The following EFHD1 variants were observed in gnomAD, a reference collection of about 807,000 sequenced individuals.
EFHD1 encodes the protein EF-hand domain family member D1.
In EFHD1, 10 loss-of-function variants were observed where a neutral mutation model predicts 17.2. That is an observed-to-expected ratio of 0.58 (90% CI 0.36 to 0.99). EFHD1 has a LOEUF of 0.99. Ranked by LOEUF, EFHD1 falls within the 50% of genes least tolerant of loss-of-function variation. The pLI is 0.01. For missense variants in EFHD1, 310 were observed against 327.5 expected, an observed-to-expected ratio of 0.95 and a Z score of 0.41; for synonymous variants, 153 against 142.0, an observed-to-expected ratio of 1.08 and a Z score of -0.55.
At chr2:232,663,689 C>T (rs1036743507) in intron 2 of EFHD1, among the ~76,000 whole-genome samples, 1 of 152,062 alleles carries the variant, frequency 6.6e-6, no homozygotes, top group Non-Finnish European at 1.5e-5. Flanking sequence ...TCGATATAAG[C>T]GTACAATGTG....
chr2:232,610,052 C>A (rs2106180387), intron 1 of EFHD1, among the ~76,000 whole-genome samples: 1 of 152,362 alleles, frequency 6.6e-6, no homozygotes, highest in African/African-American at 2.4e-5. Flanking sequence ...AAGGAGAGGG[C>A]TCAGGGCACA....
upstream of EFHD1, among the ~76,000 whole-genome samples, chr2:232,632,066 C>T (rs2106191996): frequency 6.6e-6 from 1 of 151,770 alleles, no homozygotes; most frequent in African/African-American, 2.4e-5. Flanking sequence ...AAATTTTTGA[C>T]CTTATTTCTC....
At chr2:232,656,666 G>A (rs778269944) in intron 1 of EFHD1, among the ~76,000 whole-genome samples, 3 of 151,584 alleles carry the variant, frequency 2.0e-5, no homozygotes, top group Non-Finnish European at 4.4e-5. Context: ...TGAACTCCTG[G>A]GCTCAAACAG....
intron 1 of EFHD1, among the ~76,000 whole-genome samples, chr2:232,639,891 C>T (rs1378562233): frequency 2.6e-5 from 4 of 152,172 alleles, no homozygotes; most frequent in Non-Finnish European, 4.4e-5. Flanking sequence ...TGCCTACCTG[C>T]GTGCTCACAC....
In EFHD1 at chr2:232,682,360, C is replaced by T. The variant is rs1017660585; in HGVS notation, c.*641C>T. 5.9e-5 allele frequency: 9 copies of T among 152,756 alleles called. No individual in the cohort carries two copies. Among genetic ancestry groups the T allele is most frequent in the African/African-American group, 2.2e-4 (9 of 41,440 alleles). 9.5% of individuals were successfully genotyped at this position (152,756 alleles called of 1,614,324 possible). On this transcript the variant is annotated 3_prime_UTR_variant, in exon 4 of 4. Transcript: ENST00000264059. The stretch of plus-strand genomic sequence containing the variant: ...CCCTTAGCATTCCCCCAGTCCCTCC[C>T]TCTTCACCTTGCTCCGTCTATGTCT...
At chr2:232,627,539 A>G (rs1694129252) in intron 1 of EFHD1, among the ~76,000 whole-genome samples, 1 of 152,152 alleles carries the variant, frequency 6.6e-6, no homozygotes, top group South Asian at 2.1e-4. Context: ...TTTCAGCTAT[A>G]TATCCAACTG....
rs182842983 is a variant in EFHD1, at chr2:232,668,394, C to T, written c.451-3915C>T. On this transcript the variant is annotated intron_variant, in intron 2 of 3. Coordinates refer to ENST00000264059, the MANE Select transcript of EFHD1 (RefSeq NM_025202.4). Reference sequence around the variant, plus strand: ...GCTGACCTGGCACAGTGAGTGGATACGTCTGGATCTGCCCCAGACCTGAGG... The same window carrying T: ...GCTGACCTGGCACAGTGAGTGGATATGTCTGGATCTGCCCCAGACCTGAGG... Among the ~76,000 whole-genome samples, 295 of 152,210 alleles carry T rather than the reference C, an allele frequency of 1.9e-3. 1 individual carries two copies. Among genetic ancestry groups the T allele is most frequent in the African/African-American group, 6.8e-3 (282 of 41,514 alleles).
intron 1 of EFHD1, among the ~76,000 whole-genome samples, chr2:232,646,988 G>A (rs969107470): frequency 1.3e-5 from 2 of 152,244 alleles, no homozygotes; most frequent in African/African-American, 4.8e-5. Flanking sequence ...AGCTCCCTGC[G>A]GCCATGGGAG....
chr2:232,665,050 A>T (rs956441912), intron 2 of EFHD1, among the ~76,000 whole-genome samples: 1 of 151,074 alleles, frequency 6.6e-6, no homozygotes, highest in Non-Finnish European at 1.5e-5. Context: ...TAGCTGGACC[A>T]CAGGCACGTA....
intron 2 of EFHD1, among the ~76,000 whole-genome samples, chr2:232,664,149 T>G (rs1332662404): frequency 1.3e-5 from 2 of 151,888 alleles, no homozygotes; most frequent in Non-Finnish European, 2.9e-5. Context: ...ATTTATTTAT[T>G]TATTTACTTG....
At chr2:232,668,744 G>A (rs550712437) in intron 2 of EFHD1, among the ~76,000 whole-genome samples, 33 of 152,012 alleles carry the variant, frequency 2.2e-4, no homozygotes, top group African/African-American at 7.0e-4. Context: ...AGCGATTCTC[G>A]TGCCTCAGCC....
intron 3 of EFHD1, among the ~76,000 whole-genome samples, chr2:232,674,568 A>G (rs527316791): frequency 6.6e-6 from 1 of 152,192 alleles, no homozygotes; most frequent in Non-Finnish European, 1.5e-5. Flanking sequence ...GATGAAAAGA[A>G]TGACAATAAA....
Position 232,681,607 on chromosome 2 carries a change from G to A in EFHD1, c.608G>A (p.Ser203Asn). The A allele has an allele frequency of 1.2e-6, 2 of 1,614,182 alleles. No individual in the cohort carries two copies. Among genetic ancestry groups the A allele is most frequent in the Non-Finnish European group, 1.7e-6 (2 of 1,180,024 alleles). Residue 203 changes from serine to asparagine, a missense_variant, in exon 4 of 4, where the codon AGT (serine) becomes AAT (asparagine). Ser to Asn is a conservative substitution (Grantham distance 46, BLOSUM62 1). Coordinates refer to ENST00000264059, the MANE Select transcript of EFHD1 (RefSeq NM_025202.4). ...EAKVQALSSA[S>N]KFEAELKAEQ... ...CAGGTCCAAGCCTTGTCATCGGCCA[G>A]TAAGTTTGAAGCAGAGTTGAAAGCT... is the stretch of plus-strand genomic sequence containing the variant.
rs761223584 is a variant in EFHD1, at chr2:232,681,676, G to T, written c.677G>T (p.Arg226Leu). ...RKREEEERRL[R>L]QAAFQKLKAN... ...CGGGAGGAGGAGGAGAGGCGGCTCCGCCAGGCAGCCTTCCAGAAACTCAAG... is the reference window on the plus strand; with the variant it reads ...CGGGAGGAGGAGGAGAGGCGGCTCCTCCAGGCAGCCTTCCAGAAACTCAAG... The change falls in exon 4 of 4, where the codon CGC (arginine) becomes CTC (leucine). Residue 226 changes from arginine (R) to leucine (L), a missense_variant. Physicochemically the swap from Arg to Leu is moderately radical, Grantham distance 102. Transcript: ENST00000264059. 4 of 1,614,196 alleles carry T rather than the reference G, an allele frequency of 2.5e-6. No homozygotes were observed. The highest frequency in any genetic ancestry group is 1.6e-4 in the Middle Eastern group (1 of 6,062).
intron 1 of EFHD1, among the ~76,000 whole-genome samples, chr2:232,613,647 C>CAAAT (rs1401312653): frequency 9.6e-5 from 14 of 145,462 alleles, no homozygotes; most frequent in Middle Eastern, 3.4e-3. Context: ...CACACACATA[C>CAAAT]ACACACACAC....
At chr2:232,680,532 T>G (rs1311368613) in intron 3 of EFHD1, among the ~76,000 whole-genome samples, 1 of 152,188 alleles carries the variant, frequency 6.6e-6, no homozygotes, top group Non-Finnish European at 1.5e-5. Context: ...AACTGAGGCA[T>G]TCAGGGAAAA....
At chr2:232,650,409 C>G (rs1354273961) in intron 1 of EFHD1, among the ~76,000 whole-genome samples, 1 of 149,716 alleles carries the variant, frequency 6.7e-6, no homozygotes, top group Non-Finnish European at 1.5e-5. Flanking sequence ...ATTCTCCTGT[C>G]TCAGCCTCCT....
intron 1 of EFHD1, among the ~76,000 whole-genome samples, chr2:232,643,664 TTTG>T (rs1046909642): frequency 2.0e-5 from 3 of 151,772 alleles, no homozygotes; most frequent in Middle Eastern, 3.4e-3. Flanking sequence ...TCTGTGTTTT[TTTG>T]TTGTTGTTTG....
upstream of EFHD1, chr2:232,633,375 C>A: frequency 2.1e-6 from 2 of 937,182 alleles, no homozygotes; most frequent in Non-Finnish European, 1.3e-6. Context: ...ATCCGAGGGT[C>A]CCTGCCTGGT....
Sources: allele counts gnomAD v4.1 joint callset (sites outside exome capture counted in the v4.1 genomes callset), GRCh38; gene constraint gnomAD v4.1.1; transcripts MANE v1.5; gene names NCBI Gene and HGNC (gene_info 2026-07-23, HGNC 2026-07-21).